The following ZSCAN26 variants were observed in gnomAD, a reference collection of about 807,000 sequenced individuals.
ZSCAN26 encodes zinc finger and SCAN domain containing 26.
Under a neutral mutation model 23.0 loss-of-function variants are expected in ZSCAN26, and 26 were observed. The ratio of observed to expected loss-of-function variants is 1.13; its 90% CI spans 0.83 to 1.57. The LOEUF (loss-of-function observed/expected upper bound fraction) is 1.57, where lower values mean the gene tolerates loss of function less well. Among genes scored for constraint, ZSCAN26 ranks in the 40% most tolerant of loss-of-function variants. The pLI is 0.00. For synonymous variants in ZSCAN26, 180 were observed against 202.5 expected (o/e 0.89, Z 0.94); for missense variants, 528 against 568.5 (o/e 0.93, Z 0.72).
In ZSCAN26 at chr6:28,277,347, A is replaced by T; in HGVS notation, c.*251A>T. ...ACTGCAGGACATCTCAGAGCATGTA[A>T]CATAACTGCATGATTATATACTCTA... On this transcript the variant is annotated 3_prime_UTR_variant, in exon 4 of 4. Transcript: ENST00000421553. The T allele has an allele frequency of 4.0e-6, 2 of 497,854 alleles. No homozygotes were observed. Among genetic ancestry groups the T allele is most frequent in the Non-Finnish European group, 7.2e-6 (2 of 277,226 alleles). The allele number at this position is 497,854 out of a possible 1,614,324, so 30.8% of individuals were successfully genotyped here.
At position 28,277,197 on chromosome 6, in the gene ZSCAN26, T is replaced by C; in HGVS notation, c.*101T>C. The C allele has an allele frequency of 1.5e-6, 2 of 1,300,114 alleles. No homozygotes were observed. The highest frequency in any genetic ancestry group is 2.1e-6 in the Non-Finnish European group (2 of 949,948). The allele number at this position is 1,300,114 out of a possible 1,614,324, so 80.5% of individuals were successfully genotyped here. A position where few individuals can be genotyped will look rare whatever the true frequency, so the allele number is the denominator to read the frequency against. On this transcript the variant is annotated 3_prime_UTR_variant, in exon 4 of 4. Coordinates refer to ENST00000421553, the MANE Select transcript of ZSCAN26 (RefSeq NM_001023560.4). ...AGCCCACTGTGGCATCAGAAAATTC[T>C]TGGGGGCTGAGTTGGAGGCTCCCTG...
intron 1 of ZSCAN26, among the ~76,000 whole-genome samples, chr6:28,270,652 ATACTC>A (rs1208178464): frequency 1.3e-5 from 2 of 152,212 alleles, no homozygotes; most frequent in Non-Finnish European, 2.9e-5. Flanking sequence ...AAAAATACTT[ATACTC>A]TACATTAGCC....
At chr6:28,267,372 A>G (rs1761487358) in intron 1 of ZSCAN26, 159 bp downstream of exon 1, 1 of 152,220 alleles carries the variant, frequency 6.6e-6, no homozygotes, top group African/African-American at 2.4e-5. Flanking sequence ...AGAGTGATGA[A>G]GCTGTGGATC....
At chr6:28,269,945 T>C (rs977035890) in intron 1 of ZSCAN26, among the ~76,000 whole-genome samples, 5 of 152,044 alleles carry the variant, frequency 3.3e-5, no homozygotes, top group Non-Finnish European at 5.9e-5. Flanking sequence ...TTCTGGCTAA[T>C]AATCATCACT....
intron 3 of ZSCAN26, among the ~76,000 whole-genome samples, chr6:28,273,640 A>G (rs1329969657): frequency 6.6e-6 from 1 of 151,162 alleles, no homozygotes; most frequent in Non-Finnish European, 1.5e-5. Flanking sequence ...CATTTCCTTC[A>G]AATTATTGTA....
In ZSCAN26 at chr6:28,276,268, G is replaced by A; in HGVS notation, c.612G>A (p.Gly204=). ...CTTGTGGAAGAGTAGAGTCATCTGG[G>A]AAAATATCTGAACCCATGGAGGCTC... is the stretch of plus-strand genomic sequence containing the variant. ...TDSCGRVESS[G]KISEPMEAHN... Residue 204 remains glycine (G), a synonymous_variant, in exon 4 of 4, where the codon GGG becomes GGA. Coordinates refer to ENST00000421553, the MANE Select transcript of ZSCAN26 (RefSeq NM_001023560.4). The A allele has an allele frequency of 6.2e-7, 1 of 1,613,968 alleles. No individual in the cohort carries two copies. Among genetic ancestry groups the A allele is most frequent in the Non-Finnish European group, 8.5e-7 (1 of 1,179,874 alleles).
chr6:28,269,207 T>C (rs1761578426), intron 1 of ZSCAN26, among the ~76,000 whole-genome samples: 1 of 151,958 alleles, frequency 6.6e-6, no homozygotes, highest in Non-Finnish European at 1.5e-5. Flanking sequence ...GATACCAGTA[T>C]ATATATATGT....
In ZSCAN26 at chr6:28,276,637, G is replaced by A; in HGVS notation, c.981G>A (p.Leu327=). 1 of 1,611,670 alleles carries A rather than the reference G, an allele frequency of 6.2e-7. No individual in the cohort carries two copies. The highest frequency in any genetic ancestry group is 8.5e-7 in the Non-Finnish European group (1 of 1,178,822). ...TCTTTAGCCAGAATGCAGGCCTTTT[G>A]GAACATCTCAGAATTCATACTGGAG... is the stretch of plus-strand genomic sequence containing the variant. ...GKVFSQNAGL[L]EHLRIHTGEK... Residue 327 remains leucine, a synonymous_variant, in exon 4 of 4, where the codon TTG becomes TTA. Coordinates refer to ENST00000421553, the MANE Select transcript of ZSCAN26 (RefSeq NM_001023560.4).
At position 28,276,333 on chromosome 6, in the gene ZSCAN26, C is replaced by A. The variant is rs749075793; in HGVS notation, c.677C>A (p.Pro226His). The A allele has an allele frequency of 6.8e-6, 11 of 1,613,872 alleles. 1 individual carries two copies. The South Asian group carries it at 1.1e-4, about 16-fold the overall frequency. ...GSNLERHQAK[P>H]KEKIEYKCSE... ...AACTTGGAAAGGCATCAGGCCAAGC[C>A]CAAAGAGAAGATTGAGTATAAATGC... Residue 226 changes from proline (P) to histidine (H), a missense_variant, in exon 4 of 4, where the codon CCC (proline) becomes CAC (histidine). Pro to His is a moderately conservative substitution (Grantham distance 77, BLOSUM62 -2). Transcript: ENST00000421553.
rs558740794 is a variant in ZSCAN26, at chr6:28,277,358, T to C, written c.*262T>C. ...TCTCAGAGCATGTAACATAACTGCA[T>C]GATTATATACTCTAAGCAATAGAGA... On this transcript the variant is annotated 3_prime_UTR_variant, in exon 4 of 4. Transcript: ENST00000421553. 1.7e-5 allele frequency: 8 copies of C among 471,016 alleles called. No homozygotes were observed. Among genetic ancestry groups the C allele is most frequent in the Non-Finnish European group, 3.1e-5 (8 of 261,184 alleles). The allele number at this position is 471,016 out of a possible 1,614,324, so 29.2% of individuals were successfully genotyped here.
intron 1 of ZSCAN26, 154 bp downstream of exon 1, chr6:28,267,367 G>C (rs1761487100): frequency 6.6e-6 from 1 of 152,244 alleles, no homozygotes; most frequent in South Asian, 2.1e-4. Flanking sequence ...CTATGAGAGT[G>C]ATGAAGCTGT....
In ZSCAN26 at chr6:28,272,678, C is replaced by T. The variant is rs1321893646; in HGVS notation, c.429C>T (p.Asp143=). 1.2e-6 allele frequency: 2 copies of T among 1,601,880 alleles called. No individual in the cohort carries two copies. Among genetic ancestry groups the T allele is most frequent in the East Asian group, 2.2e-5 (1 of 44,520 alleles). Residue 143 remains aspartate (D), a synonymous_variant, in exon 3 of 4, where the codon GAC becomes GAT. Transcript: ENST00000421553. ...TACCTAATTGTCCCTAGGACCCAGA[C>T]CAGCCAAAGAAACAAAAAATACTTG... ...LGETGQQVDP[D]QPKKQKILVE... is the part of the protein sequence containing the mutation.
Position 28,276,306 on chromosome 6 carries a change from C to G in ZSCAN26, c.650C>G (p.Ser217Cys). Residue 217 changes from serine (S) to cysteine (C), a missense_variant, in exon 4 of 4, where the codon TCT becomes TGT. Coordinates refer to ENST00000421553, the MANE Select transcript of ZSCAN26 (RefSeq NM_001023560.4). ...SEPMEAHNEG[S>C]NLERHQAKPK... ...CCCATGGAGGCTCATAATGAGGGCTCTAACTTGGAAAGGCATCAGGCCAAG... is the reference window on the plus strand; with the variant it reads ...CCCATGGAGGCTCATAATGAGGGCTGTAACTTGGAAAGGCATCAGGCCAAG... 6.2e-7 allele frequency: 1 copy of G among 1,613,912 alleles called. No individual in the cohort carries two copies. Among genetic ancestry groups the G allele is most frequent in the Non-Finnish European group, 8.5e-7 (1 of 1,179,852 alleles).
rs1465264735 is a variant in ZSCAN26, at chr6:28,271,996, A to G, written c.77A>G (p.Glu26Gly). 1.3e-6 allele frequency: 2 copies of G among 1,551,562 alleles called. No individual in the cohort carries two copies. The highest frequency in any genetic ancestry group is 1.7e-6 in the Non-Finnish European group (2 of 1,146,948). ...LKKEGLRVVR[E>G]DHYSTWEQGF... is the part of the protein sequence containing the mutation. Reference sequence around the variant, plus strand: ...AAGGAGGGGCTTCGGGTAGTGAGGGAGGATCACTACTCTACTTGGGAACAG... The same window carrying G: ...AAGGAGGGGCTTCGGGTAGTGAGGGGGGATCACTACTCTACTTGGGAACAG... The change falls in exon 2 of 4, where the codon GAG becomes GGG. Residue 26 changes from glutamate to glycine, a missense_variant. Glu to Gly is a moderately conservative substitution (Grantham distance 98). Coordinates refer to ENST00000421553, the MANE Select transcript of ZSCAN26 (RefSeq NM_001023560.4).
At chr6:28,271,087 T>G (rs1348077217) in intron 1 of ZSCAN26, among the ~76,000 whole-genome samples, 1 of 152,252 alleles carries the variant, frequency 6.6e-6, no homozygotes, top group Non-Finnish European at 1.5e-5. Context: ...AACCCAGGCC[T>G]GTCTAAGGCC....
chr6:28,270,349 G>A lies in ZSCAN26; in HGVS notation c.-66-1505G>A, dbSNP rs528343351. Among the ~76,000 whole-genome samples the A allele has an allele frequency of 6.8e-4, 104 of 152,248 alleles. 1 individual carries two copies. The highest frequency in any genetic ancestry group is 2.6e-4 in the Admixed American group (4 of 15,290). Reference sequence around the variant, plus strand: ...GCCTTCTCCCGTTCTCCCACTTACCGCATGCACATTGATTCAAAGGCATGT... The same window carrying A: ...GCCTTCTCCCGTTCTCCCACTTACCACATGCACATTGATTCAAAGGCATGT... On this transcript the variant is annotated intron_variant, in intron 1 of 3. Coordinates refer to ENST00000421553, the MANE Select transcript of ZSCAN26 (RefSeq NM_001023560.4).
At position 28,272,537 on chromosome 6, in the gene ZSCAN26, C is replaced by T; in HGVS notation, c.421-133C>T. The T allele has an allele frequency of 4.1e-6, 4 of 986,382 alleles. No homozygotes were observed. In the South Asian group the frequency reaches 5.3e-5, roughly 13 times the overall value. 61.1% of individuals were successfully genotyped at this position (986,382 alleles called of 1,614,324 possible). A position where few individuals can be genotyped will look rare whatever the true frequency, so the allele number is the denominator to read the frequency against. On this transcript the variant is annotated intron_variant, in intron 2 of 3. Coordinates refer to ENST00000421553, the MANE Select transcript of ZSCAN26 (RefSeq NM_001023560.4). ...GAGAAAACTGAATGTGCACCAGATT[C>T]CCCATCTTCTTTTCTTTGCCCCTCT...
rs1409722321 is a variant in ZSCAN26, at chr6:28,272,650, A to T, written c.421-20A>T. ...CCCACATATATCTAATTATGCCTCC[A>T]TATACCTAATTGTCCCTAGGACCCA... On this transcript the variant is annotated intron_variant, in intron 2 of 3. Coordinates refer to ENST00000421553, the MANE Select transcript of ZSCAN26 (RefSeq NM_001023560.4). 1 of 1,555,158 alleles carries T rather than the reference A, an allele frequency of 6.4e-7. No individual in the cohort carries two copies. Among genetic ancestry groups the T allele is most frequent in the Admixed American group, 1.9e-5 (1 of 52,896 alleles).
Position 28,276,576 on chromosome 6 carries a change from G to T in ZSCAN26, c.920G>T (p.Gly307Val). The part of the protein sequence containing the change: ...HLVRHQKIHL[G>V]EKPYQCNECG... Reference sequence around the variant, plus strand: ...GTCAGACATCAGAAAATCCATCTTGGTGAGAAGCCTTATCAGTGCAATGAG... The same window carrying T: ...GTCAGACATCAGAAAATCCATCTTGTTGAGAAGCCTTATCAGTGCAATGAG... Residue 307 changes from glycine to valine, a missense_variant, in exon 4 of 4, where the codon GGT becomes GTT. Gly to Val is a moderately radical substitution (Grantham distance 109). Coordinates refer to ENST00000421553, the MANE Select transcript of ZSCAN26 (RefSeq NM_001023560.4). The T allele has an allele frequency of 6.2e-7, 1 of 1,613,222 alleles. No individual in the cohort carries two copies. Among genetic ancestry groups the T allele is most frequent in the Non-Finnish European group, 8.5e-7 (1 of 1,179,548 alleles).
Sources: allele counts gnomAD v4.1 joint callset (sites outside exome capture counted in the v4.1 genomes callset), GRCh38; gene constraint gnomAD v4.1.1; transcripts MANE v1.5; gene names NCBI Gene and HGNC (gene_info 2026-07-23, HGNC 2026-07-21).